MGMT: variants seen among roughly 807,000 people sequenced by gnomAD.
MGMT encodes the protein O-6-methylguanine-DNA methyltransferase.
A neutral mutation model predicts 15.9 loss-of-function variants in MGMT; 14 were observed. The ratio of observed to expected loss-of-function variants is 0.88; its 90% CI spans 0.58 to 1.37. The LOEUF (loss-of-function observed/expected upper bound fraction) is 1.37, where lower values mean the gene tolerates loss of function less well. Among genes scored for constraint, MGMT ranks in the 40% most tolerant of loss-of-function variants. The probability of loss-of-function intolerance (pLI) is 0.00; values close to 1 mark genes in which losing one functional copy is unlikely to be tolerated. For synonymous variants in MGMT, 130 were observed against 118.2 expected (o/e 1.10, Z -0.65); for missense variants, 282 against 268.1 (o/e 1.05, Z -0.36).
chr10:129,553,878 T>C (rs1379400405), intron 2 of MGMT, among the ~76,000 whole-genome samples: 2 of 152,212 alleles, frequency 1.3e-5, no homozygotes, highest in Non-Finnish European at 2.9e-5. Flanking sequence ...TCTGCCTCAC[T>C]GAGCGGGTAT....
chr10:129,557,156 A>G (rs1192279215), intron 2 of MGMT, among the ~76,000 whole-genome samples: 1 of 152,190 alleles, frequency 6.6e-6, no homozygotes, highest in Non-Finnish European at 1.5e-5. Flanking sequence ...TATCCTACCA[A>G]CCATTATCCT....
chr10:129,523,826 C>T (rs1168709441), intron 1 of MGMT, among the ~76,000 whole-genome samples: 1 of 152,166 alleles, frequency 6.6e-6, no homozygotes, highest in Non-Finnish European at 1.5e-5. Context: ...TGGCTGGACT[C>T]ACGAGATTGT....
At chr10:129,601,301 G>A (rs1382675793) in intron 2 of MGMT, among the ~76,000 whole-genome samples, 1 of 152,138 alleles carries the variant, frequency 6.6e-6, no homozygotes, top group East Asian at 1.9e-4. Context: ...CTCTTCCAGG[G>A]CTTGTGTGTG....
chr10:129,690,392 T>C (rs1178856172), intron 2 of MGMT, among the ~76,000 whole-genome samples: 1 of 152,236 alleles, frequency 6.6e-6, no homozygotes, highest in Non-Finnish European at 1.5e-5. Flanking sequence ...TATTCACTCA[T>C]TAATAATTCA....
At chr10:129,614,801 A>G (rs1255890370) in intron 2 of MGMT, among the ~76,000 whole-genome samples, 7 of 152,048 alleles carry the variant, frequency 4.6e-5, no homozygotes, top group South Asian at 2.1e-4. Flanking sequence ...CTGGTGTTCA[A>G]TGCATTTAAA....
chr10:129,494,007 A>C (rs146672851), intron 1 of MGMT, among the ~76,000 whole-genome samples: 2 of 152,326 alleles, frequency 1.3e-5, no homozygotes, highest in Non-Finnish European at 2.9e-5. Context: ...TGGAGATGGC[A>C]TAGTGTCCTA....
chr10:129,502,943 C>G (rs904842501), intron 1 of MGMT, among the ~76,000 whole-genome samples: 2 of 152,162 alleles, frequency 1.3e-5, no homozygotes, highest in African/African-American at 4.8e-5. Flanking sequence ...TTTTACGGCT[C>G]TACCCCGTAT....
intron 3 of MGMT, among the ~76,000 whole-genome samples, chr10:129,708,975 G>A (rs1848199798): frequency 6.6e-6 from 1 of 152,214 alleles, no homozygotes. Flanking sequence ...AGAAACCCCT[G>A]AAGGTTGGGC....
intron 3 of MGMT, among the ~76,000 whole-genome samples, chr10:129,741,343 G>T (rs949677268): frequency 1.3e-5 from 2 of 152,194 alleles, no homozygotes; most frequent in Admixed American, 6.5e-5. Context: ...ACATTGAACG[G>T]CAACACCCGG....
intron 2 of MGMT, among the ~76,000 whole-genome samples, chr10:129,645,558 C>G (rs570796460): frequency 6.6e-6 from 1 of 152,134 alleles, no homozygotes; most frequent in African/African-American, 2.4e-5. Context: ...ATGGAGATGT[C>G]TGACCGTTGG....
At chr10:129,717,190 T>G (rs1242890947) in intron 3 of MGMT, among the ~76,000 whole-genome samples, 1 of 152,240 alleles carries the variant, frequency 6.6e-6, no homozygotes, top group East Asian at 1.9e-4. Flanking sequence ...ACTTTCAGTG[T>G]GATACCCTTG....
At chr10:129,628,361 C>G (rs1847173499) in intron 2 of MGMT, among the ~76,000 whole-genome samples, 1 of 152,162 alleles carries the variant, frequency 6.6e-6, no homozygotes, top group African/African-American at 2.4e-5. Flanking sequence ...AAATGTTTCC[C>G]GACATGTTTC....
intron 2 of MGMT, among the ~76,000 whole-genome samples, chr10:129,547,470 T>A (rs1846109888): frequency 6.6e-6 from 1 of 152,154 alleles, no homozygotes; most frequent in Non-Finnish European, 1.5e-5. Context: ...ACCTGCAGAT[T>A]CATGGAGTGG....
chr10:129,690,414 T>C (rs1847956294), intron 2 of MGMT, among the ~76,000 whole-genome samples: 1 of 152,260 alleles, frequency 6.6e-6, no homozygotes, highest in Non-Finnish European at 1.5e-5. Context: ...CAGTCTTTGC[T>C]GTTTGTGGCA....
chr10:129,469,789 C>G (rs1845210142), intron 1 of MGMT, among the ~76,000 whole-genome samples: 1 of 152,184 alleles, frequency 6.6e-6, no homozygotes, highest in African/African-American at 2.4e-5. Context: ...TCCCTGCAGC[C>G]TCAAGCTCCT....
chr10:129,701,642 G>A (rs756573604), intron 2 of MGMT: 2 of 152,274 alleles, frequency 1.3e-5, no homozygotes, highest in South Asian at 2.1e-4. Flanking sequence ...CCTGGTAGCC[G>A]TGGTACCAGG....
At chr10:129,642,892 A>G (rs1847343703) in intron 2 of MGMT, among the ~76,000 whole-genome samples, 1 of 152,066 alleles carries the variant, frequency 6.6e-6, no homozygotes, top group African/African-American at 2.4e-5. Flanking sequence ...CGATCCCACC[A>G]AGGCATTCCA....
chr10:129,759,212 C>T lies in MGMT; in HGVS notation c.285C>T (p.Thr95=), dbSNP rs1349666286. ...HHPVFQQESF[T]RQVLWKLLKV... ...CATTCTTCCTTTCAGAGTCGTTCAC[C>T]AGACAGGTGTTATGGAAGCTGCTGA... Residue 95 remains threonine, a synonymous_variant, in exon 4 of 5, where the codon ACC becomes ACT. Coordinates refer to ENST00000651593, the MANE Select transcript of MGMT (RefSeq NM_002412.5). 1 of 1,614,184 alleles carries T rather than the reference C, an allele frequency of 6.2e-7. No homozygotes were observed. The highest frequency in any genetic ancestry group is 1.1e-5 in the South Asian group (1 of 91,084).
chr10:129,567,145 T>C (rs924764081), intron 2 of MGMT, among the ~76,000 whole-genome samples: 1 of 152,138 alleles, frequency 6.6e-6, no homozygotes, highest in Admixed American at 6.5e-5. Flanking sequence ...TTTGTGCTTC[T>C]CCCGCCTGCG....
Sources: allele counts gnomAD v4.1 joint callset (sites outside exome capture counted in the v4.1 genomes callset), GRCh38; gene constraint gnomAD v4.1.1; transcripts MANE v1.5; gene names NCBI Gene and HGNC (gene_info 2026-07-23, HGNC 2026-07-21).